PCDH7: variants seen among roughly 807,000 people sequenced by gnomAD.
PCDH7 encodes protocadherin-7.
PCDH7 carries 17 observed loss-of-function variants against 58.9 expected under a neutral mutation model. The observed-to-expected ratio is 0.29, with a 90% CI of 0.20 to 0.43. The LOEUF (loss-of-function observed/expected upper bound fraction) is 0.43, where lower values mean the gene tolerates loss of function less well. Among genes scored for constraint, PCDH7 ranks in the 20% least tolerant of loss-of-function variants. The pLI, the probability that PCDH7 is intolerant of heterozygous loss-of-function variation, is 1.00. For missense variants in PCDH7, 1,274 were observed against 1,441.0 expected, an observed-to-expected ratio of 0.88 and a Z score of 1.88; for synonymous variants, 664 against 616.4, an observed-to-expected ratio of 1.08 and a Z score of -1.14.
chr4:30,728,332 A>T (rs948373631), intron 1 of PCDH7, among the ~76,000 whole-genome samples: 6 of 150,974 alleles, frequency 4.0e-5, no homozygotes, highest in Non-Finnish European at 7.4e-5. Context: ...GCATATATAT[A>T]TATTCTTTAG....
chr4:30,813,558 T>C (rs1273362931), intron 1 of PCDH7, among the ~76,000 whole-genome samples: 1 of 152,182 alleles, frequency 6.6e-6, no homozygotes, highest in African/African-American at 2.4e-5. Flanking sequence ...TCATATAGTG[T>C]AGAGGAAAGT....
At chr4:30,903,538 A>C (rs1740502613) in intron 1 of PCDH7, among the ~76,000 whole-genome samples, 1 of 152,116 alleles carries the variant, frequency 6.6e-6, no homozygotes, top group Non-Finnish European at 1.5e-5. Flanking sequence ...AGTCATTTAT[A>C]GAGCACTCTA....
intron 1 of PCDH7, among the ~76,000 whole-genome samples, chr4:30,810,771 C>T (rs1458349787): frequency 2.6e-5 from 4 of 151,998 alleles, no homozygotes; most frequent in South Asian, 2.1e-4. Context: ...CCACCACACC[C>T]GGCTAATTTT....
At chr4:30,866,602 A>T (rs917308160) in intron 1 of PCDH7, among the ~76,000 whole-genome samples, 7 of 151,976 alleles carry the variant, frequency 4.6e-5, no homozygotes, top group African/African-American at 1.2e-4. Flanking sequence ...AAATGAAGTG[A>T]CTGGATATTT....
At chr4:30,937,083 G>T (rs1745446342) in intron 2 of PCDH7, among the ~76,000 whole-genome samples, 2 of 151,828 alleles carry the variant, frequency 1.3e-5, no homozygotes, top group Admixed American at 6.6e-5. Flanking sequence ...TTCTGGAGTT[G>T]GTCCCATGAC....
intron 1 of PCDH7, among the ~76,000 whole-genome samples, chr4:30,817,035 C>T (rs969597494): frequency 1.3e-4 from 20 of 152,152 alleles, no homozygotes; most frequent in Admixed American, 9.2e-4. Context: ...TTAACAATAC[C>T]GAACATCCTT....
rs548782411 is a variant in PCDH7 at position 30,917,640 on chromosome 4, A to AT, written c.71-2508dup. 5.0e-4 allele frequency among the ~76,000 whole-genome samples: 76 copies of AT among 152,124 alleles called. No individual in the cohort carries two copies. In the South Asian group the frequency reaches 0.015, roughly 30 times the overall value. On this transcript the variant is annotated intron_variant, in intron 1 of 3. Transcript: ENST00000509759. ...GATAAAAATATTTTAAAATTATGCC[A>AT]TTTTTACTTCTAAAATAATTTATAG... is the stretch of plus-strand genomic sequence containing the variant.
intron 3 of PCDH7, among the ~76,000 whole-genome samples, chr4:31,019,818 A>G (rs1364826606): frequency 3.3e-5 from 5 of 152,196 alleles, no homozygotes; most frequent in Admixed American, 3.3e-4. Context: ...ACAGGTACGC[A>G]TGTAATAACA....
chr4:31,019,635 G>T (rs1415552992), intron 3 of PCDH7, among the ~76,000 whole-genome samples: 1 of 151,462 alleles, frequency 6.6e-6, no homozygotes, highest in Non-Finnish European at 1.5e-5. Flanking sequence ...GTTGCAGTGA[G>T]CCCAGATTGT....
rs1342677575 is a variant in PCDH7, at chr4:31,097,630, ATAT to A, written c.*8-44842_*8-44840del. 7.5e-3 allele frequency among the ~76,000 whole-genome samples: 325 copies of A among 43,392 alleles called. 33 individuals carry two copies. Among genetic ancestry groups the A allele is most frequent in the African/African-American group, 0.057 (309 of 5,420 alleles). The allele number at this position is 43,392 out of a possible 152,430, so 28.5% of individuals were successfully genotyped here. ...TATATATATATATATATATATATAT[ATAT>A]ATATAAATCTTTTTTCTGTAATTTC... On this transcript the variant is annotated intron_variant, in intron 3 of 3. Transcript: ENST00000509759.
chr4:30,724,152 T>C (rs1714248567), exon 1 of PCDH7: 2 of 1,613,790 alleles, frequency 1.2e-6, no homozygotes, highest in Non-Finnish European at 1.7e-6. Context: ...AAAATAAAAA[T>C]GGCTATGAAG....
exon 1 of PCDH7, chr4:30,724,135 A>C (rs747566684): frequency 8.7e-6 from 14 of 1,613,960 alleles, no homozygotes; most frequent in African/African-American, 2.7e-5. Context: ...AAGGTACTGC[A>C]GGTCCAAAAA....
At chr4:31,083,611 A>G (rs1711912586) in intron 3 of PCDH7, among the ~76,000 whole-genome samples, 1 of 152,194 alleles carries the variant, frequency 6.6e-6, no homozygotes, top group Non-Finnish European at 1.5e-5. Flanking sequence ...CTTGACATTC[A>G]AAGGAGACAT....
At chr4:31,123,527 A>G (rs1447483260) in intron 3 of PCDH7, among the ~76,000 whole-genome samples, 2 of 152,104 alleles carry the variant, frequency 1.3e-5, no homozygotes, top group African/African-American at 4.8e-5. Flanking sequence ...CGCCAACAGG[A>G]ATGAAACCCA....
chr4:30,756,874 C>T (rs1025589163), intron 1 of PCDH7, among the ~76,000 whole-genome samples: 3 of 152,170 alleles, frequency 2.0e-5, no homozygotes, highest in East Asian at 3.9e-4. Flanking sequence ...CTCTGGCCTA[C>T]GCCTTAATCT....
At chr4:31,005,647 GAA>G (rs1267586717) in intron 3 of PCDH7, among the ~76,000 whole-genome samples, 1 of 152,122 alleles carries the variant, frequency 6.6e-6, no homozygotes, top group Non-Finnish European at 1.5e-5. Flanking sequence ...AGAATCGGAT[GAA>G]AGATTTTAAC....
chr4:31,021,544 T>C (rs1252257532), intron 3 of PCDH7, among the ~76,000 whole-genome samples: 1 of 152,190 alleles, frequency 6.6e-6, no homozygotes, highest in African/African-American at 2.4e-5. Flanking sequence ...TGTTTGCTTA[T>C]ATAATTCAGT....
At chr4:30,973,741 G>C (rs144851903) in intron 3 of PCDH7, among the ~76,000 whole-genome samples, 1 of 151,698 alleles carries the variant, frequency 6.6e-6, no homozygotes, top group African/African-American at 2.4e-5. Flanking sequence ...AGATTCCACT[G>C]TATCCAATAT....
chr4:30,931,297 C>T (rs1017545141), intron 2 of PCDH7, among the ~76,000 whole-genome samples: 8 of 152,150 alleles, frequency 5.3e-5, no homozygotes, highest in South Asian at 2.1e-4. Context: ...ATGTACTGGT[C>T]GGGCATGGCG....
Sources: gnomAD v4.1 joint callset for allele counts (sites outside exome capture counted in the v4.1 genomes callset) on GRCh38, gnomAD v4.1.1 for gene constraint, MANE v1.5 for transcripts, NCBI Gene and HGNC (gene_info 2026-07-23, HGNC 2026-07-21) for gene names.